Variants in FIG4 observed in about 807,000 individuals in gnomAD.
FIG4 encodes FIG4 phosphoinositide 5-phosphatase.
A neutral mutation model predicts 118.6 loss-of-function variants in FIG4; 112 were observed. That is an observed-to-expected ratio of 0.94 (90% CI 0.81 to 1.11). FIG4 has a LOEUF of 1.11. FIG4 is among the 50% of genes least tolerant of loss of function. The pLI is 0.00. For synonymous variants in FIG4, 369 were observed against 381.2 expected (o/e 0.97, Z 0.37); for missense variants, 969 against 1,111.7 (o/e 0.87, Z 1.83).
At chr6:109,695,579 TACACACAC>T (rs57747347) in intron 1 of FIG4, among the ~76,000 whole-genome samples, 1 of 148,730 alleles carries the variant, frequency 6.7e-6, no homozygotes, top group African/African-American at 2.5e-5. Flanking sequence ...ATGCAGTGAA[TACACACAC>T]ACACACACAC....
intron 11 of FIG4, among the ~76,000 whole-genome samples, chr6:109,761,088 T>C: frequency 6.6e-6 from 1 of 152,268 alleles, no homozygotes; most frequent in African/African-American, 2.4e-5. Context: ...CTATATCGTT[T>C]TGTACTTATT....
At chr6:109,705,775 A>G (rs772821642) in intron 1 of FIG4, among the ~76,000 whole-genome samples, 6 of 152,228 alleles carry the variant, frequency 3.9e-5, no homozygotes, top group African/African-American at 9.6e-5. Context: ...CTGTACAACA[A>G]ACCCCTGTGA....
intron 1 of FIG4, among the ~76,000 whole-genome samples, chr6:109,707,890 G>T (rs1011820552): frequency 6.6e-6 from 1 of 151,516 alleles, no homozygotes; most frequent in African/African-American, 2.4e-5. Flanking sequence ...TTATTTTTTA[G>T]ATATAATTTT....
At chr6:109,729,257 T>A (rs1403687103) in intron 4 of FIG4, among the ~76,000 whole-genome samples, 3 of 152,182 alleles carry the variant, frequency 2.0e-5, no homozygotes, top group Non-Finnish European at 4.4e-5. Flanking sequence ...AGAAAACATA[T>A]TTGACAAAAT....
At chr6:109,720,976 A>G (rs1583647840) in intron 3 of FIG4, among the ~76,000 whole-genome samples, 1 of 152,174 alleles carries the variant, frequency 6.6e-6, no homozygotes, top group African/African-American at 2.4e-5. Context: ...GGAATGACCT[A>G]TAGTTCATAC....
chr6:109,771,288 A>G (rs1026559119), intron 15 of FIG4, among the ~76,000 whole-genome samples: 1 of 152,156 alleles, frequency 6.6e-6, no homozygotes. Context: ...TCTCCAAAGG[A>G]CAACGGACTG....
rs1175673851 is a variant in FIG4, at chr6:109,700,251, A to C, written c.66+8750A>C. On this transcript the variant is annotated intron_variant, in intron 1 of 22. Transcript: ENST00000230124. Reference sequence around the variant, plus strand: ...TAAAACATTTAAAACTATCAATGTAAATTTAAAAGTAGTCAAAAGATTAAT... The same window carrying C: ...TAAAACATTTAAAACTATCAATGTACATTTAAAAGTAGTCAAAAGATTAAT... Among the ~76,000 whole-genome samples, 6 of 152,198 alleles carry C rather than the reference A, an allele frequency of 3.9e-5. 1 individual carries two copies. Among genetic ancestry groups the C allele is most frequent in the Non-Finnish European group, 8.8e-5 (6 of 68,042 alleles).
intron 22 of FIG4, among the ~76,000 whole-genome samples, chr6:109,797,979 C>T (rs1205436063): frequency 6.6e-6 from 1 of 150,864 alleles, no homozygotes; most frequent in Non-Finnish European, 1.5e-5. Flanking sequence ...GTCTGGCATA[C>T]ACTTGACATT....
intron 16 of FIG4, 94 bp from the exon 17 acceptor site, chr6:109,784,876 T>G: frequency 1.6e-6 from 1 of 630,906 alleles, no homozygotes; most frequent in Non-Finnish European, 2.7e-6. Flanking sequence ...TAGGAACATG[T>G]TACTATAGAC....
At chr6:109,822,262 G>A (rs1030694472) in intron 22 of FIG4, among the ~76,000 whole-genome samples, 4 of 152,128 alleles carry the variant, frequency 2.6e-5, no homozygotes, top group Admixed American at 2.6e-4. Context: ...GGGGCTTTTG[G>A]GTTGGTTGTC....
intron 22 of FIG4, among the ~76,000 whole-genome samples, chr6:109,812,296 A>G (rs1048901358): frequency 4.6e-5 from 7 of 152,128 alleles, no homozygotes; most frequent in Non-Finnish European, 7.4e-5. Flanking sequence ...CTAATATGCA[A>G]GCTGAAGCCT....
chr6:109,746,857 A>G (rs1053208911), intron 10 of FIG4, among the ~76,000 whole-genome samples: 2 of 152,104 alleles, frequency 1.3e-5, no homozygotes, highest in Non-Finnish European at 2.9e-5. Flanking sequence ...TATGCCTTAA[A>G]CCAGGGTGGT....
rs542491005 is a variant in FIG4 at position 109,744,272 on chromosome 6, G to C, written c.1137+500G>C. On this transcript the variant is annotated intron_variant, in intron 10 of 22. Transcript: ENST00000230124. ...ATCAGGTGGGCATGTGAGAAGCCCA[G>C]ACAAGGTGGTATTAGCCTCATAGTT... 2.6e-5 allele frequency among the ~76,000 whole-genome samples: 4 copies of C among 152,260 alleles called. No individual in the cohort carries two copies. In the East Asian group the frequency reaches 7.7e-4, roughly 29 times the overall value.
At chr6:109,790,465 G>A (rs1312170847) in intron 19 of FIG4, among the ~76,000 whole-genome samples, 1 of 152,164 alleles carries the variant, frequency 6.6e-6, no homozygotes, top group African/African-American at 2.4e-5. Flanking sequence ...TTGGAATTCA[G>A]GGAATTCCCA....
At position 109,770,005 on chromosome 6, in the gene FIG4, A is replaced by G. The variant is rs780843434; in HGVS notation, c.1750+3110A>G. Reference sequence around the variant, plus strand: ...TGGTTTATGTGGATGGACTGATGCTATGGGGTCAACTCACCTGACCCTTTT... The same window carrying G: ...TGGTTTATGTGGATGGACTGATGCTGTGGGGTCAACTCACCTGACCCTTTT... On this transcript the variant is annotated intron_variant, in intron 15 of 22. Transcript: ENST00000230124. Among the ~76,000 whole-genome samples the G allele has an allele frequency of 3.9e-5, 6 of 152,210 alleles. No homozygotes were observed. The East Asian group carries it at 5.8e-4, about 15-fold the overall frequency.
At chr6:109,718,471 G>C (rs138470653) in intron 3 of FIG4, among the ~76,000 whole-genome samples, 1 of 152,182 alleles carries the variant, frequency 6.6e-6, no homozygotes, top group Non-Finnish European at 1.5e-5. Flanking sequence ...TTTTGTGACT[G>C]TATGTCTATG....
chr6:109,815,807 A>AC (rs1390697325), intron 22 of FIG4, among the ~76,000 whole-genome samples: 1 of 151,942 alleles, frequency 6.6e-6, no homozygotes, highest in African/African-American at 2.4e-5. Context: ...AGCAAACAAA[A>AC]AAAAACAATA....
chr6:109,725,210 G>A (rs1381209569), intron 3 of FIG4, among the ~76,000 whole-genome samples: 1 of 152,010 alleles, frequency 6.6e-6, no homozygotes, highest in East Asian at 1.9e-4. Context: ...TAGGTTTTGA[G>A]CCCCACATGC....
At chr6:109,824,969 T>C (rs1291542988) in intron 22 of FIG4, 119 bp from the exon 23 acceptor site, 4 of 919,876 alleles carry the variant, frequency 4.3e-6, no homozygotes, top group African/African-American at 1.6e-5. Context: ...CCCAGCAGCT[T>C]GTCAAAAGTC....
Sources: allele counts gnomAD v4.1 joint callset (sites outside exome capture counted in the v4.1 genomes callset), GRCh38; gene constraint gnomAD v4.1.1; transcripts MANE v1.5; gene names NCBI Gene and HGNC (gene_info 2026-07-23, HGNC 2026-07-21).